The following KCND2 variants were observed in gnomAD, a reference collection of about 807,000 sequenced individuals.
The protein encoded by KCND2 is A-type voltage-gated potassium channel KCND2.
Under a neutral mutation model 54.4 loss-of-function variants are expected in KCND2, and 16 were observed. The ratio of observed to expected loss-of-function variants is 0.29; its 90% CI spans 0.20 to 0.45. KCND2 has a LOEUF of 0.45. Ranked by LOEUF, KCND2 falls within the 20% of genes least tolerant of loss-of-function variation. The pLI, the probability that KCND2 is intolerant of heterozygous loss-of-function variation, is 1.00. For synonymous variants in KCND2, 317 were observed against 310.7 expected, an observed-to-expected ratio of 1.02 and a Z score of -0.21; for missense variants, 486 against 824.2, an observed-to-expected ratio of 0.59 and a Z score of 5.02.
intron 1 of KCND2, among the ~76,000 whole-genome samples, chr7:120,574,332 C>A (rs966011667): frequency 2.6e-5 from 4 of 152,116 alleles, no homozygotes; most frequent in Admixed American, 2.6e-4. Flanking sequence ...TATTTGTCAG[C>A]AGCCAAGCCT....
chr7:120,596,572 G>A (rs1490786079), intron 1 of KCND2, among the ~76,000 whole-genome samples: 1 of 152,134 alleles, frequency 6.6e-6, no homozygotes, highest in African/African-American at 2.4e-5. Context: ...GACAGATTTT[G>A]AACTCAGTGT....
At chr7:120,555,545 A>G (rs1792153377) in intron 1 of KCND2, among the ~76,000 whole-genome samples, 1 of 152,186 alleles carries the variant, frequency 6.6e-6, no homozygotes, top group South Asian at 2.1e-4. Context: ...ACTTCTTGCA[A>G]ATTCAGCATA....
chr7:120,435,741 A>T (rs1251040719), intron 1 of KCND2, among the ~76,000 whole-genome samples: 2 of 152,022 alleles, frequency 1.3e-5, no homozygotes, highest in Admixed American at 1.3e-4. Context: ...GGATATATAT[A>T]TATATATAGC....
intron 1 of KCND2, among the ~76,000 whole-genome samples, chr7:120,700,031 A>G (rs1264710773): frequency 6.6e-6 from 1 of 152,176 alleles, no homozygotes; most frequent in Non-Finnish European, 1.5e-5. Flanking sequence ...TCAGGACAAG[A>G]GCTCTCATGG....
intron 1 of KCND2, among the ~76,000 whole-genome samples, chr7:120,599,427 G>A (rs1053459401): frequency 6.6e-6 from 1 of 151,932 alleles, no homozygotes; most frequent in Admixed American, 6.6e-5. Context: ...TGGGGAGTTG[G>A]TATTTTAATG....
chr7:120,745,984 A>G lies in KCND2; in HGVS notation c.1672A>G (p.Thr558Ala), dbSNP rs1312696209. ...SHQGSIQELSTIQIRCVERTP... is the reference protein window; with the variant it reads ...SHQGSIQELSAIQIRCVERTP... ...TCAAGGTAGTATACAAGAACTCAGC[A>G]CGATTCAGATCAGATGTGTGGAGAG... Residue 558 changes from threonine (T) to alanine (A), a missense_variant, in exon 5 of 6, where the codon ACG (threonine) becomes GCG (alanine). This residue lies in a region of KCND2 where 202 missense variants were observed against 252.7 expected (regional missense o/e 0.80). Transcript: ENST00000331113. The G allele has an allele frequency of 6.2e-6, 10 of 1,613,686 alleles. No individual in the cohort carries two copies. Among genetic ancestry groups the G allele is most frequent in the Non-Finnish European group, 8.5e-6 (10 of 1,179,776 alleles).
chr7:120,577,301 A>G (rs1448777731), intron 1 of KCND2, among the ~76,000 whole-genome samples: 2 of 152,166 alleles, frequency 1.3e-5, no homozygotes, highest in East Asian at 1.9e-4. Flanking sequence ...GAACTCATGG[A>G]AATAGAGGTG....
intron 1 of KCND2, among the ~76,000 whole-genome samples, chr7:120,471,779 T>G (rs942870856): frequency 1.3e-5 from 2 of 152,080 alleles, no homozygotes; most frequent in African/African-American, 4.8e-5. Context: ...AGAGTCAACA[T>G]CAAACATGCT....
chr7:120,498,486 G>A (rs802346), intron 1 of KCND2, among the ~76,000 whole-genome samples: 44,437 of 150,624 alleles, frequency 0.3, 9,434 homozygotes, highest in African/African-American at 0.58. Context: ...CTGAAAAAAA[G>A]ACACTCGACT....
intron 1 of KCND2, among the ~76,000 whole-genome samples, chr7:120,363,335 C>G (rs775542233): frequency 3.9e-5 from 6 of 152,050 alleles, no homozygotes; most frequent in Non-Finnish European, 8.8e-5. Context: ...GTCTAAGAAT[C>G]TCTCAAACCA....
chr7:120,421,858 C>A (rs547799658), intron 1 of KCND2, among the ~76,000 whole-genome samples: 76 of 152,278 alleles, frequency 5.0e-4, no homozygotes, highest in African/African-American at 1.7e-3. Flanking sequence ...TGTTGGCCCA[C>A]CTGCTCCCTG....
At chr7:120,347,098 G>A (rs1332962343) in intron 1 of KCND2, among the ~76,000 whole-genome samples, 2 of 152,068 alleles carry the variant, frequency 1.3e-5, no homozygotes, top group East Asian at 1.9e-4. Context: ...AGTTAAGCCA[G>A]ATCTTCACGC....
At chr7:120,521,258 G>T (rs1210650966) in intron 1 of KCND2, among the ~76,000 whole-genome samples, 1 of 151,778 alleles carries the variant, frequency 6.6e-6, no homozygotes, top group Non-Finnish European at 1.5e-5. Context: ...TCAGTTTCAA[G>T]GAATCATAAA....
intron 1 of KCND2, among the ~76,000 whole-genome samples, chr7:120,534,761 A>C (rs1275416050): frequency 6.6e-6 from 1 of 152,160 alleles, no homozygotes; most frequent in Non-Finnish European, 1.5e-5. Flanking sequence ...ATAAATCTAA[A>C]TCTACTCTCA....
chr7:120,717,859 A>G (rs1374645867), intron 1 of KCND2, among the ~76,000 whole-genome samples: 1 of 152,038 alleles, frequency 6.6e-6, no homozygotes, highest in African/African-American at 2.4e-5. Flanking sequence ...TTACTCTCAA[A>G]TGTTATTTTC....
At chr7:120,428,182 T>C (rs1017209384) in intron 1 of KCND2, among the ~76,000 whole-genome samples, 2 of 152,212 alleles carry the variant, frequency 1.3e-5, no homozygotes, top group Admixed American at 6.5e-5. Context: ...ATCAATGCTA[T>C]AATTGTGATT....
intron 2 of KCND2, among the ~76,000 whole-genome samples, chr7:120,733,343 G>A (rs114414201): frequency 6.3e-4 from 96 of 152,214 alleles, no homozygotes; most frequent in African/African-American, 2.2e-3. Context: ...GGAGTAAAGG[G>A]CATGATGAAT....
intron 1 of KCND2, among the ~76,000 whole-genome samples, chr7:120,542,573 C>T (rs1446222452): frequency 6.6e-6 from 1 of 152,164 alleles, no homozygotes; most frequent in Non-Finnish European, 1.5e-5. Flanking sequence ...AATGCCCTAA[C>T]CATTCATCCA....
chr7:120,428,379 T>C (rs1404398097), intron 1 of KCND2, among the ~76,000 whole-genome samples: 1 of 152,188 alleles, frequency 6.6e-6, no homozygotes, highest in Non-Finnish European at 1.5e-5. Context: ...AGAAGATGAC[T>C]AAGTGTTAAC....
Sources: allele counts gnomAD v4.1 joint callset (sites outside exome capture counted in the v4.1 genomes callset), GRCh38; gene constraint gnomAD v4.1.1; regional missense constraint gnomAD v4.1.1; transcripts MANE v1.5; gene names NCBI Gene and HGNC (gene_info 2026-07-23, HGNC 2026-07-21).